VPS13B: variants seen among roughly 807,000 people sequenced by gnomAD.
VPS13B encodes the protein vacuolar protein sorting 13 homolog B.
VPS13B carries 285 observed loss-of-function variants against 426.4 expected under a neutral mutation model. That is an observed-to-expected ratio of 0.67 (90% CI 0.61 to 0.74). The LOEUF is 0.74. Ranked by LOEUF, VPS13B falls within the 30% of genes least tolerant of loss-of-function variation. The pLI is 0.00. For missense variants in VPS13B, 4,537 were observed against 4,782.6 expected, an observed-to-expected ratio of 0.95 and a Z score of 1.51; for synonymous variants, 1,676 against 1,676.4, an observed-to-expected ratio of 1.00 and a Z score of 0.01.
chr8:99,806,022 C>T (rs1160145341), intron 43 of VPS13B, among the ~76,000 whole-genome samples: 1 of 152,182 alleles, frequency 6.6e-6, no homozygotes, highest in African/African-American at 2.4e-5. Flanking sequence ...AAGCCCATTG[C>T]TTTCCTCTCC....
chr8:99,775,891 A>G (rs1374905781), intron 40 of VPS13B, among the ~76,000 whole-genome samples: 1 of 152,050 alleles, frequency 6.6e-6, no homozygotes, highest in Non-Finnish European at 1.5e-5. Context: ...CAACAAAAGT[A>G]GACTCCATCT....
chr8:99,059,395 A>C (rs1197393171), intron 3 of VPS13B, among the ~76,000 whole-genome samples: 1 of 152,056 alleles, frequency 6.6e-6, no homozygotes, highest in Non-Finnish European at 1.5e-5. Flanking sequence ...GGCTGGTCTC[A>C]AACTCCTGAG....
At chr8:99,163,036 C>T (rs188446193) in intron 15 of VPS13B, among the ~76,000 whole-genome samples, 57 of 152,290 alleles carry the variant, frequency 3.7e-4, no homozygotes, top group Admixed American at 1.4e-3. Flanking sequence ...CCCACCAGAG[C>T]GGCTAGATAC....
chr8:99,697,979 G>T, intron 35 of VPS13B: 1 of 405,400 alleles, frequency 2.5e-6, no homozygotes, highest in South Asian at 2.1e-5. Context: ...GAAGATGGAG[G>T]AGAAGACTGA....
At chr8:99,103,187 T>G (rs1846853502) in intron 5 of VPS13B, 67 bp downstream of exon 5, 2 of 1,568,034 alleles carry the variant, frequency 1.3e-6, no homozygotes, top group Admixed American at 3.3e-5. Context: ...CTCTTAACCC[T>G]TCTTTGGGCC....
intron 40 of VPS13B, among the ~76,000 whole-genome samples, chr8:99,770,209 G>A (rs543733607): frequency 2.2e-4 from 33 of 152,170 alleles, no homozygotes; most frequent in African/African-American, 7.7e-4. Context: ...TTAACTAATG[G>A]TTTGCTTGAT....
At chr8:99,129,761 T>A (rs1273681288) in intron 8 of VPS13B, among the ~76,000 whole-genome samples, 1 of 152,136 alleles carries the variant, frequency 6.6e-6, no homozygotes, top group Non-Finnish European at 1.5e-5. Flanking sequence ...TCTGATATAT[T>A]TCTGTTAACT....
intron 3 of VPS13B, among the ~76,000 whole-genome samples, chr8:99,080,440 A>G (rs1410008720): frequency 6.6e-6 from 1 of 152,118 alleles, no homozygotes; most frequent in Non-Finnish European, 1.5e-5. Flanking sequence ...AGTGTAAGGT[A>G]TGGCACTTTA....
intron 43 of VPS13B, among the ~76,000 whole-genome samples, chr8:99,807,677 T>TTGTGTG (rs144674961): frequency 3.1e-4 from 46 of 146,272 alleles, no homozygotes; most frequent in African/African-American, 6.8e-4. Flanking sequence ...CAGGGTGTGT[T>TTGTGTG]TGTGTGTGTG....
intron 23 of VPS13B, among the ~76,000 whole-genome samples, chr8:99,458,330 C>T (rs936005563): frequency 6.6e-6 from 1 of 151,924 alleles, no homozygotes; most frequent in Non-Finnish European, 1.5e-5. Context: ...TTGGACATTT[C>T]GTTTGGTTCC....
At position 99,261,831 on chromosome 8, in the gene VPS13B, T is replaced by A. The variant is rs1369407608; in HGVS notation, c.2516-12367T>A. Among the ~76,000 whole-genome samples, 5 of 152,158 alleles carry A rather than the reference T, an allele frequency of 3.3e-5. No homozygotes were observed. The South Asian group carries it at 6.2e-4, about 19-fold the overall frequency. On this transcript the variant is annotated intron_variant, in intron 17 of 61. Transcript: ENST00000357162. ...GTAGGAGAGATTGTGATTCATACAATTTTAGAGTTAGAAGCACATTTTATG... is the reference window on the plus strand; with the variant it reads ...GTAGGAGAGATTGTGATTCATACAAATTTAGAGTTAGAAGCACATTTTATG...
chr8:99,059,759 G>A (rs1463894667), intron 3 of VPS13B, among the ~76,000 whole-genome samples: 2 of 145,874 alleles, frequency 1.4e-5, no homozygotes, highest in Admixed American at 6.8e-5. Flanking sequence ...TTGAGACAGG[G>A]TTTTGCTCTG....
At chr8:99,088,051 G>A (rs963377210) in intron 3 of VPS13B, among the ~76,000 whole-genome samples, 2 of 151,854 alleles carry the variant, frequency 1.3e-5, no homozygotes, top group African/African-American at 2.4e-5. Flanking sequence ...GGGCGTGGTG[G>A]CATGCACGTG....
intron 3 of VPS13B, among the ~76,000 whole-genome samples, chr8:99,045,456 G>A (rs928179011): frequency 2.0e-5 from 3 of 151,862 alleles, no homozygotes; most frequent in Admixed American, 1.3e-4. Context: ...ATATTAGTCC[G>A]TTGTCAGATG....
intron 19 of VPS13B, among the ~76,000 whole-genome samples, chr8:99,374,829 A>G (rs1813397558): frequency 1.3e-5 from 2 of 152,046 alleles, no homozygotes; most frequent in African/African-American, 4.8e-5. Flanking sequence ...TATGGTTTGT[A>G]GTTTCTGCTT....
rs1252949783 is a variant in VPS13B at position 99,818,510 on chromosome 8, C to G, written c.8421C>G (p.Pro2807=). 2 of 1,614,014 alleles carry G rather than the reference C, an allele frequency of 1.2e-6. No individual in the cohort carries two copies. Among genetic ancestry groups the G allele is most frequent in the East Asian group, 4.5e-5 (2 of 44,856 alleles). The change falls in exon 46 of 62, where the codon CCC becomes CCG. Residue 2807 remains proline, a synonymous_variant. Coordinates refer to ENST00000357162, the MANE Select transcript of VPS13B (RefSeq NM_152564.5). The part of the protein sequence containing the change: ...YVWCTVLTLE[P]NSQVQQRMIV... ...GGTGCACAGTTTTGACTTTAGAACC[C>G]AACTCTCAAGTGCAACAACGAATGG...
At chr8:99,580,486 C>T (rs1825996440) in intron 33 of VPS13B, among the ~76,000 whole-genome samples, 3 of 151,844 alleles carry the variant, frequency 2.0e-5, no homozygotes, top group Admixed American at 6.6e-5. Context: ...AGCCACCACA[C>T]CTGGCCTAAT....
chr8:99,697,650 G>C, intron 35 of VPS13B: 1 of 652,310 alleles, frequency 1.5e-6, no homozygotes, highest in East Asian at 2.9e-5. Context: ...GAGACTGACA[G>C]AGGGTGCAGC....
chr8:99,811,518 A>T (rs1258089748), intron 44 of VPS13B, among the ~76,000 whole-genome samples: 1 of 152,006 alleles, frequency 6.6e-6, no homozygotes. Flanking sequence ...TGCATTTCTA[A>T]CAAGTTCCCA....
Sources: allele counts gnomAD v4.1 joint callset (sites outside exome capture counted in the v4.1 genomes callset), GRCh38; gene constraint gnomAD v4.1.1; transcripts MANE v1.5; gene names NCBI Gene and HGNC (gene_info 2026-07-23, HGNC 2026-07-21).